Variants in AHCYL1 observed in about 807,000 individuals in gnomAD.
AHCYL1 encodes S-adenosylhomocysteine hydrolase-like protein 1.
AHCYL1 carries 20 observed loss-of-function variants against 79.3 expected under a neutral mutation model. The ratio of observed to expected loss-of-function variants is 0.25; its 90% CI spans 0.18 to 0.37. The LOEUF is 0.37. Among genes scored for constraint, AHCYL1 ranks in the 10% least tolerant of loss-of-function variants. The pLI, the probability that AHCYL1 is intolerant of heterozygous loss-of-function variation, is 1.00. For missense variants in AHCYL1, 330 were observed against 673.6 expected (o/e 0.49, Z 5.65); for synonymous variants, 223 against 242.2 (o/e 0.92, Z 0.74).
rs987083606 is a variant in AHCYL1 at position 110,020,758 on chromosome 1, C to T, written c.1493C>T (p.Pro498Leu). The T allele has an allele frequency of 6.2e-7, 1 of 1,612,978 alleles. No homozygotes were observed. The highest frequency in any genetic ancestry group is 8.5e-7 in the Non-Finnish European group (1 of 1,179,640). Reference protein sequence around the residue: ...MDEYVASLHLPSFDAHLTELT... With the variant: ...MDEYVASLHLLSFDAHLTELT... ...GAATACGTTGCCAGCTTGCATCTGC[C>T]ATCATTTGATGCCCACCTTACAGAG... Residue 498 changes from proline (P) to leucine (L), a missense_variant, in exon 16 of 17, where the codon CCA (proline) becomes CTA (leucine). By Grantham distance (98) the Pro-to-Leu change is moderately conservative. Around this residue, in one of 6 missense-constraint regions of AHCYL1, gnomAD observed 119 missense variants for 293.3 expected, o/e 0.41. Transcript: ENST00000369799.
rs573982523 is a variant in AHCYL1 at position 109,992,268 on chromosome 1, G to A, written c.120+7096G>A. Among the ~76,000 whole-genome samples, 14 of 152,090 alleles carry A rather than the reference G, an allele frequency of 9.2e-5. 1 individual carries two copies. The South Asian group carries it at 2.7e-3, about 29-fold the overall frequency. On this transcript the variant is annotated intron_variant, in intron 1 of 16. Transcript: ENST00000369799. The stretch of plus-strand genomic sequence containing the variant: ...CTAAAAACACAAAAAAAATTAGCTG[G>A]GTGTGGCAGCACACACCTGTAGTCC...
chr1:109,992,821 CG>C (rs1649837602), intron 1 of AHCYL1, among the ~76,000 whole-genome samples: 1 of 152,118 alleles, frequency 6.6e-6, no homozygotes, highest in African/African-American at 2.4e-5. Context: ...CAAAAATATG[CG>C]TATTCTGTTA....
In AHCYL1 at chr1:110,015,458, G is replaced by A; in HGVS notation, c.709G>A (p.Val237Ile). The change falls in exon 7 of 17, where the codon GTT becomes ATT. Residue 237 changes from valine (V) to isoleucine (I), a missense_variant. Val to Ile is a conservative substitution (Grantham distance 29). Transcript: ENST00000369799. ...LDDGGDLTHW[V>I]YKKYPNVFKK... is the part of the protein sequence containing the mutation. ...TGATGGGGGAGACTTAACCCACTGGGTTTATAAGAAGTATCCAAACGTGTT... is the reference window on the plus strand; with the variant it reads ...TGATGGGGGAGACTTAACCCACTGGATTTATAAGAAGTATCCAAACGTGTT... 2 of 1,614,176 alleles carry A rather than the reference G, an allele frequency of 1.2e-6. No individual in the cohort carries two copies. The highest frequency in any genetic ancestry group is 1.1e-5 in the South Asian group (1 of 91,086).
intron 1 of AHCYL1, among the ~76,000 whole-genome samples, chr1:109,992,324 C>T (rs912871015): frequency 6.7e-6 from 1 of 150,350 alleles, no homozygotes; most frequent in East Asian, 2.0e-4. Flanking sequence ...GCAGGAGAAT[C>T]GCTTGAACCC....
At chr1:110,018,718 G>A in intron 13 of AHCYL1, 68 bp downstream of exon 13, 1 of 1,319,080 alleles carries the variant, frequency 7.6e-7, no homozygotes, top group Non-Finnish European at 1.1e-6. Context: ...GGGGGGAGGG[G>A]AGGGAAACAA....
chr1:110,004,141 G>A lies in AHCYL1; in HGVS notation c.121-4893G>A, dbSNP rs1381271363. 6 of 985,420 alleles carry A rather than the reference G, an allele frequency of 6.1e-6. No individual in the cohort carries two copies. The African/African-American group carries it at 8.7e-5, about 14-fold the overall frequency. The allele number at this position is 985,420 out of a possible 1,614,324, so 61.0% of individuals were successfully genotyped here. A position where few individuals can be genotyped will look rare whatever the true frequency, so the allele number is the denominator to read the frequency against. On this transcript the variant is annotated intron_variant, in intron 1 of 16. Coordinates refer to ENST00000369799, the MANE Select transcript of AHCYL1 (RefSeq NM_006621.7). ...TTTGAAAGGAGTATTGCTTCTGACT[G>A]TGGAATTGGATTCTAGCTGTGTGTG...
chr1:109,986,351 C>G (rs1649470635), intron 1 of AHCYL1, among the ~76,000 whole-genome samples: 1 of 150,574 alleles, frequency 6.6e-6, no homozygotes, highest in South Asian at 2.1e-4. Context: ...GTGAATTAAC[C>G]TGCCACTCCA....
chr1:110,011,471 A>C, intron 3 of AHCYL1, 114 bp downstream of exon 3: 2 of 1,407,332 alleles, frequency 1.4e-6, no homozygotes, highest in Non-Finnish European at 1.9e-6. Flanking sequence ...GAAGAAAGAC[A>C]GTATTATGGA....
In AHCYL1 at chr1:109,985,050, G is replaced by T; in HGVS notation, c.-3G>T. 1.3e-6 allele frequency: 2 copies of T among 1,579,652 alleles called. No individual in the cohort carries two copies. The highest frequency in any genetic ancestry group is 1.7e-6 in the Non-Finnish European group (2 of 1,165,326). ...GTCAGCCGCTGGCCGGGCCGGCCGG[G>T]GAATGTCGATGCCTGACGCGATGCC... On this transcript the variant is annotated 5_prime_UTR_variant, in exon 1 of 17. Coordinates refer to ENST00000369799, the MANE Select transcript of AHCYL1 (RefSeq NM_006621.7).
At chr1:110,001,331 C>T (rs777138001) in intron 1 of AHCYL1, among the ~76,000 whole-genome samples, 6 of 152,028 alleles carry the variant, frequency 3.9e-5, no homozygotes, top group Admixed American at 1.3e-4. Context: ...GGACTACAGG[C>T]ACACGCCACC....
chr1:110,002,100 A>G (rs1650346476), intron 1 of AHCYL1, among the ~76,000 whole-genome samples: 1 of 152,214 alleles, frequency 6.6e-6, no homozygotes, highest in African/African-American at 2.4e-5. Flanking sequence ...TTTTTTTAAA[A>G]AAGGTAATAC....
At chr1:110,020,975 A>T in intron 16 of AHCYL1, 124 bp downstream of exon 16, 2 of 1,418,626 alleles carry the variant, frequency 1.4e-6, no homozygotes, top group Non-Finnish European at 1.9e-6. Flanking sequence ...AATCTGTTCC[A>T]GGCCAGGCAC....
At chr1:109,993,670 G>T (rs868469506) in intron 1 of AHCYL1, among the ~76,000 whole-genome samples, 107 of 152,190 alleles carry the variant, frequency 7.0e-4, no homozygotes, top group African/African-American at 2.4e-3. Flanking sequence ...AGAAATAGGA[G>T]GTCAGGGAGA....
rs1651856600 is a variant in AHCYL1 at position 110,022,343 on chromosome 1, A to G, written c.*663A>G. On this transcript the variant is annotated 3_prime_UTR_variant, in exon 17 of 17. Coordinates refer to ENST00000369799, the MANE Select transcript of AHCYL1 (RefSeq NM_006621.7). ...ACTAGACTACACTCTATTGAGTTTA[A>G]TTTTGTCCTCTAGGATTTATTTCTG... 6.7e-6 allele frequency: 1 copy of G among 150,344 alleles called. No homozygotes were observed. The highest frequency in any genetic ancestry group is 2.5e-5 in the African/African-American group (1 of 40,720). The allele number at this position is 150,344 out of a possible 1,614,324, so 9.3% of individuals were successfully genotyped here. A position where few individuals can be genotyped will look rare whatever the true frequency, so the allele number is the denominator to read the frequency against.
chr1:109,986,103 A>G (rs1329410772), intron 1 of AHCYL1, among the ~76,000 whole-genome samples: 1 of 152,206 alleles, frequency 6.6e-6, no homozygotes, highest in Non-Finnish European at 1.5e-5. Flanking sequence ...GCACCCAGTT[A>G]GCAGTAGACC....
rs761358808 is a variant in AHCYL1, at chr1:110,022,436, G to C, written c.*756G>C. The C allele has an allele frequency of 1.3e-5, 2 of 151,894 alleles. No homozygotes were observed. The highest frequency in any genetic ancestry group is 2.9e-5 in the Non-Finnish European group (2 of 67,980). 9.4% of individuals were successfully genotyped at this position (151,894 alleles called of 1,614,324 possible). A position where few individuals can be genotyped will look rare whatever the true frequency, so the allele number is the denominator to read the frequency against. ...TTTTTGGTGTTAATGCTGAGGAATTGCTTGAGTGGTTAGTTGTTACCAATT... is the reference window on the plus strand; with the variant it reads ...TTTTTGGTGTTAATGCTGAGGAATTCCTTGAGTGGTTAGTTGTTACCAATT... On this transcript the variant is annotated 3_prime_UTR_variant, in exon 17 of 17. Transcript: ENST00000369799.
chr1:110,003,987 A>G (rs1465037352), intron 1 of AHCYL1: 26 of 985,342 alleles, frequency 2.6e-5, no homozygotes, highest in African/African-American at 3.5e-5. Context: ...ACAAGGGTCA[A>G]ACTACTCTTT....
intron 10 of AHCYL1, 89 bp downstream of exon 10, chr1:110,017,672 A>G: frequency 7.2e-7 from 1 of 1,386,112 alleles, no homozygotes; most frequent in Admixed American, 1.8e-5. Context: ...TCATTTTTGC[A>G]GAAATCACCT....
intron 5 of AHCYL1, 25 bp from the exon 6 acceptor site, chr1:110,014,738 A>G: frequency 1.3e-6 from 2 of 1,584,414 alleles, no homozygotes; most frequent in South Asian, 2.2e-5. Context: ...AGGAGGAATC[A>G]GCTGATTCAT....
Sources: allele counts gnomAD v4.1 joint callset (sites outside exome capture counted in the v4.1 genomes callset), GRCh38; gene constraint gnomAD v4.1.1; regional missense constraint gnomAD v4.1.1; transcripts MANE v1.5; gene names NCBI Gene and HGNC (gene_info 2026-07-23, HGNC 2026-07-21).